Variants in SARDH observed in about 807,000 individuals in gnomAD.
SARDH encodes sarcosine dehydrogenase, mitochondrial.
In SARDH, 95 loss-of-function variants were observed where a neutral mutation model predicts 109.1. The ratio of observed to expected loss-of-function variants is 0.87; its 90% CI spans 0.74 to 1.03. SARDH has a LOEUF of 1.03. Ranked by LOEUF, SARDH falls within the 50% of genes least tolerant of loss-of-function variation. SARDH has a pLI of 0.00. For missense variants in SARDH, 1,267 were observed against 1,287.8 expected, an observed-to-expected ratio of 0.98 and a Z score of 0.25; for synonymous variants, 572 against 534.8, an observed-to-expected ratio of 1.07 and a Z score of -0.96.
At chr9:133,660,502 T>A (rs1291475622), downstream of SARDH, among the ~76,000 whole-genome samples, 3 of 152,266 alleles carry the variant, frequency 2.0e-5, no homozygotes, top group African/African-American at 7.2e-5. Flanking sequence ...TACCTGAAAA[T>A]GACCTACATG....
chr9:133,683,082 C>T (rs928876149), intron 17 of SARDH, among the ~76,000 whole-genome samples: 2 of 152,216 alleles, frequency 1.3e-5, no homozygotes, highest in African/African-American at 2.4e-5. Flanking sequence ...GATGTCATCC[C>T]GGAAGCAGAG....
chr9:133,694,951 A>C (rs1831230509), intron 14 of SARDH, among the ~76,000 whole-genome samples: 1 of 152,146 alleles, frequency 6.6e-6, no homozygotes, highest in South Asian at 2.1e-4. Flanking sequence ...GGAGGTGAGC[A>C]GCAGGTGCCT....
Position 133,709,368 on chromosome 9 carries a change from G to A in SARDH, c.1329-940C>T, listed in dbSNP as rs1481236396. ...CCGAATCCGACAGTGCGGAACTGCTGGCTGGAGTGAGACCCGGGCCCAGCT... is the reference window on the plus strand; with the variant it reads ...CCGAATCCGACAGTGCGGAACTGCTAGCTGGAGTGAGACCCGGGCCCAGCT... On this transcript the variant is annotated intron_variant, in intron 10 of 20. Transcript: ENST00000439388. The surrounding 1 kb of genome is among the most constrained non-coding windows in gnomAD (Gnocchi z 4.2). Among the ~76,000 whole-genome samples the A allele has an allele frequency of 6.6e-6, 1 of 152,116 alleles. No homozygotes were observed.
rs1377310281 is a variant in SARDH, at chr9:133,666,429, C to A, written c.2631+306G>T. The stretch of plus-strand genomic sequence containing the variant: ...AAGAAAACAGAGAGCAGCTTTGGCT[C>A]TGCCCAGGCACAGCTGGGGAGTCCT... On this transcript the variant is annotated intron_variant, in intron 20 of 20. Coordinates refer to ENST00000439388, the MANE Select transcript of SARDH (RefSeq NM_001134707.2). The surrounding 1 kb of genome is among the most constrained non-coding windows in gnomAD (Gnocchi z 5.2). Among the ~76,000 whole-genome samples the A allele has an allele frequency of 6.6e-6, 1 of 152,196 alleles. No individual in the cohort carries two copies. Among genetic ancestry groups the A allele is most frequent in the East Asian group, 1.9e-4 (1 of 5,190 alleles).
chr9:133,714,359 G>A (rs1231438126), intron 8 of SARDH, among the ~76,000 whole-genome samples: 1 of 152,222 alleles, frequency 6.6e-6, no homozygotes, highest in East Asian at 1.9e-4. Flanking sequence ...GAGGGTGGAG[G>A]AGGCAGGCTA....
chr9:133,666,090 C>T lies in SARDH; in HGVS notation c.2631+645G>A, dbSNP rs891104071. Among the ~76,000 whole-genome samples the T allele has an allele frequency of 1.3e-5, 2 of 152,236 alleles. No homozygotes were observed. Among genetic ancestry groups the T allele is most frequent in the African/African-American group, 4.8e-5 (2 of 41,460 alleles). ...CCACCCAGAGCTGTCCTGGGACTTG[C>T]TCCTGGGGGCAGTGCCTGCTCTTTC... On this transcript the variant is annotated intron_variant, in intron 20 of 20. Coordinates refer to ENST00000439388, the MANE Select transcript of SARDH (RefSeq NM_001134707.2). This position sits in a 1 kb window ranked among gnomAD's most constrained non-coding sequence, Gnocchi z 5.2.
rs574941071 is a variant in SARDH, at chr9:133,715,681, C to A, written c.1150+1645G>T. ...CTTTAGGGCCCTCATCCGCTCCCTG[C>A]ATGGCCCGTGGAAGTCCCTGGGCTC... On this transcript the variant is annotated intron_variant, in intron 8 of 20. Coordinates refer to ENST00000439388, the MANE Select transcript of SARDH (RefSeq NM_001134707.2). Among the ~76,000 whole-genome samples, 4 of 152,294 alleles carry A rather than the reference C, an allele frequency of 2.6e-5. No individual in the cohort carries two copies. The East Asian group carries it at 5.8e-4, about 22-fold the overall frequency.
intron 6 of SARDH, among the ~76,000 whole-genome samples, chr9:133,721,365 C>T (rs1309960220): frequency 1.3e-5 from 2 of 152,220 alleles, no homozygotes; most frequent in Non-Finnish European, 2.9e-5. Flanking sequence ...TCCTGTCAAG[C>T]CATCAATCGA....
chr9:133,660,080 A>T (rs1386610735), downstream of SARDH, among the ~76,000 whole-genome samples: 2 of 64,554 alleles, frequency 3.1e-5, no homozygotes, highest in East Asian at 5.3e-4. Context: ...CCCCACTCAC[A>T]CTCTTGCTCT....
In SARDH at chr9:133,705,161, C is replaced by A. The variant is rs1216455094; in HGVS notation, c.1471-130G>T. ...GGAGGCCCTGACTCTTGGAACCAGG[C>A]CTCCAGCCCAGTGTTTGCAGCTACC... On this transcript the variant is annotated intron_variant, in intron 11 of 20. Transcript: ENST00000439388. The A allele has an allele frequency of 8.2e-6, 7 of 851,278 alleles. No homozygotes were observed. The East Asian group carries it at 1.6e-4, about 20-fold the overall frequency. The allele number at this position is 851,278 out of a possible 1,614,324, so 52.7% of individuals were successfully genotyped here.
rs926254942 is a variant in SARDH at position 133,728,205 on chromosome 9, C to A, written c.915+1560G>T. Among the ~76,000 whole-genome samples the A allele has an allele frequency of 6.6e-6, 1 of 152,192 alleles. No individual in the cohort carries two copies. Among genetic ancestry groups the A allele is most frequent in the Admixed American group, 6.5e-5 (1 of 15,290 alleles). ...AGTGGGGCGTGGCTTGCCCAGCGCA[C>A]AGGAGTCAGAGGCAGCAGCGCACTG... On this transcript the variant is annotated intron_variant, in intron 6 of 20. Coordinates refer to ENST00000439388, the MANE Select transcript of SARDH (RefSeq NM_001134707.2). This position sits in a 1 kb window ranked among gnomAD's most constrained non-coding sequence, Gnocchi z 5.0.
intron 12 of SARDH, among the ~76,000 whole-genome samples, chr9:133,703,902 G>C (rs1242699184): frequency 9.9e-5 from 15 of 152,156 alleles, no homozygotes; most frequent in Admixed American, 9.8e-4. Context: ...AGGTGTCCTG[G>C]ACACCCAGGC....
chr9:133,667,881 G>C (rs965818660), intron 19 of SARDH, among the ~76,000 whole-genome samples: 1 of 152,138 alleles, frequency 6.6e-6, no homozygotes, highest in African/African-American at 2.4e-5. Context: ...CCAACTGCCC[G>C]GAGTCCCAGA....
Position 133,709,339 on chromosome 9 carries a change from C to T in SARDH, c.1329-911G>A, listed in dbSNP as rs1050019595. ...CCCTGGTCTCCTCAGACCAGCCACCCGTCCCGAATCCGACAGTGCGGAACT... is the reference window on the plus strand; with the variant it reads ...CCCTGGTCTCCTCAGACCAGCCACCTGTCCCGAATCCGACAGTGCGGAACT... On this transcript the variant is annotated intron_variant, in intron 10 of 20. Coordinates refer to ENST00000439388, the MANE Select transcript of SARDH (RefSeq NM_001134707.2). The surrounding 1 kb of genome is among the most constrained non-coding windows in gnomAD (Gnocchi z 4.2). 3.5e-4 allele frequency among the ~76,000 whole-genome samples: 54 copies of T among 152,272 alleles called. No homozygotes were observed. Among genetic ancestry groups the T allele is most frequent in the African/African-American group, 9.9e-4 (41 of 41,560 alleles).
At chr9:133,723,564 C>T (rs1486413008) in intron 6 of SARDH, among the ~76,000 whole-genome samples, 1 of 152,176 alleles carries the variant, frequency 6.6e-6, no homozygotes, top group East Asian at 1.9e-4. Context: ...AGATCGAGAC[C>T]ATCCTTGCTA....
intron 11 of SARDH, among the ~76,000 whole-genome samples, chr9:133,707,500 T>C (rs1425163396): frequency 6.6e-6 from 1 of 152,030 alleles, no homozygotes; most frequent in Non-Finnish European, 1.5e-5. Context: ...AATACCAGGA[T>C]CTCTCTTGGG....
downstream of SARDH, among the ~76,000 whole-genome samples, chr9:133,660,315 T>C (rs945433375): frequency 1.3e-5 from 2 of 152,000 alleles, no homozygotes; most frequent in Admixed American, 1.3e-4. Flanking sequence ...AGACCTAAAG[T>C]TAGGTGCCAA....
chr9:133,729,642 G>T, intron 6 of SARDH, 123 bp downstream of exon 6: 1 of 733,194 alleles, frequency 1.4e-6, no homozygotes, highest in South Asian at 1.7e-5. Flanking sequence ...CAGATGAGGT[G>T]ACTGAGGCTT....
chr9:133,671,471 C>T, intron 18 of SARDH, 64 bp downstream of exon 18: 1 of 1,479,456 alleles, frequency 6.8e-7, no homozygotes. Flanking sequence ...CTCCAGGTGT[C>T]TCGAGCGTCA....
Sources: allele counts gnomAD v4.1 joint callset (sites outside exome capture counted in the v4.1 genomes callset), GRCh38; gene constraint gnomAD v4.1.1; non-coding constraint Gnocchi (gnomAD v3.1); transcripts MANE v1.5; gene names NCBI Gene and HGNC (gene_info 2026-07-23, HGNC 2026-07-21).